The following RBBP6 variants were observed in gnomAD, a reference collection of about 807,000 sequenced individuals.
The protein encoded by RBBP6 is E3 ubiquitin-protein ligase RBBP6.
A neutral mutation model predicts 167.7 loss-of-function variants in RBBP6; 25 were observed. That is an observed-to-expected ratio of 0.15 (90% confidence interval 0.11 to 0.21). The LOEUF (loss-of-function observed/expected upper bound fraction) is 0.21, where lower values mean the gene tolerates loss of function less well. Ranked by LOEUF, RBBP6 falls within the 10% of genes least tolerant of loss-of-function variation. RBBP6 has a pLI of 1.00. For synonymous variants in RBBP6, 789 were observed against 735.8 expected (o/e 1.07, Z -1.17); for missense variants, 1,868 against 2,134.2 (o/e 0.88, Z 2.46).
At chr16:24,549,244 G>T in intron 3 of RBBP6, 1 of 1,329,382 alleles carries the variant, frequency 7.5e-7, no homozygotes, top group Non-Finnish European at 9.6e-7. Context: ...ACACTGTGTT[G>T]TACAGTTAAT....
In RBBP6 at chr16:24,569,740, A is replaced by G; in HGVS notation, c.3050A>G (p.Asp1017Gly). Residue 1017 changes from aspartate (D) to glycine (G), a missense_variant, in exon 17 of 18, where the codon GAT becomes GGT. Around this residue, in one of 7 missense-constraint regions of RBBP6, gnomAD observed 673 missense variants for 691.5 expected, o/e 0.97. Transcript: ENST00000319715. Reference protein sequence around the residue: ...RERDKPKAKGDKTKRKNDGSA... With the variant: ...RERDKPKAKGGKTKRKNDGSA... ...AGGGATAAACCAAAAGCAAAGGGTG[A>G]TAAAACCAAACGGAAGAATGATGGA... 1.2e-6 allele frequency: 2 copies of G among 1,614,154 alleles called. No individual in the cohort carries two copies. The highest frequency in any genetic ancestry group is 1.7e-6 in the Non-Finnish European group (2 of 1,180,030).
chr16:24,556,579 C>A, intron 7 of RBBP6, 132 bp downstream of exon 7: 1 of 1,031,938 alleles, frequency 9.7e-7, no homozygotes, highest in Non-Finnish European at 1.3e-6. Context: ...TTAGTCTCTA[C>A]ATCTTGCATT....
intron 1 of RBBP6, among the ~76,000 whole-genome samples, chr16:24,542,732 G>C (rs1023782629): frequency 6.6e-6 from 1 of 152,144 alleles, no homozygotes; most frequent in African/African-American, 2.4e-5. Flanking sequence ...CAAAGGGCTG[G>C]GATTACAGGC....
rs1285427211 is a variant in RBBP6 at position 24,567,354 on chromosome 16, C to T, written c.1801C>T (p.Pro601Ser). The stretch of plus-strand genomic sequence containing the variant: ...ACCACCCGCTGGGTATAGTGTCCCT[C>T]CTCCAGGGTTTCCTCCAGCTCCTGC... ...QPPPAGYSVP[P>S]PGFPPAPANL... The change falls in exon 15 of 18, where the codon CCT becomes TCT. Residue 601 changes from proline to serine, a missense_variant. Pro to Ser is a moderately conservative substitution (Grantham distance 74, BLOSUM62 -1). Transcript: ENST00000319715. 14 of 1,614,030 alleles carry T rather than the reference C, an allele frequency of 8.7e-6. No individual in the cohort carries two copies. The highest frequency in any genetic ancestry group is 1.2e-5 in the Non-Finnish European group (14 of 1,180,030).
In RBBP6 at chr16:24,571,664, A is replaced by T; in HGVS notation, c.4598A>T (p.Asn1533Ile). 3 of 1,613,856 alleles carry T rather than the reference A, an allele frequency of 1.9e-6. No individual in the cohort carries two copies. The highest frequency in any genetic ancestry group is 2.5e-6 in the Non-Finnish European group (3 of 1,179,950). Residue 1533 changes from asparagine (N) to isoleucine (I), a missense_variant, in exon 18 of 18, where the codon AAT (asparagine) becomes ATT (isoleucine). Physicochemically the swap from Asn to Ile is moderately radical, Grantham distance 149 (BLOSUM62 -3). Coordinates refer to ENST00000319715, the MANE Select transcript of RBBP6 (RefSeq NM_006910.5). ...GGAACAGGAGATTCCAAAAAAAGTA[A>T]TTCTAGTCCCTCAAGAGACAGAAAA... ...KKGTGDSKKS[N>I]SSPSRDRKPH...
intron 7 of RBBP6, chr16:24,558,678 A>G (rs1898976159): frequency 5.7e-6 from 1 of 175,130 alleles, no homozygotes; most frequent in African/African-American, 2.4e-5. Context: ...GGGGGTGTAG[A>G]AGCAGTGGTG....
At position 24,549,013 on chromosome 16, in the gene RBBP6, A is replaced by G. The variant is rs1898733685; in HGVS notation, c.303+32A>G. The stretch of plus-strand genomic sequence containing the variant: ...AAAAACACAATCTCACACTTTTTCT[A>G]CACATTGCTTTTACCTTTATAATGT... On this transcript the variant is annotated intron_variant, in intron 3 of 17. Coordinates refer to ENST00000319715, the MANE Select transcript of RBBP6 (RefSeq NM_006910.5). 7 of 1,605,632 alleles carry G rather than the reference A, an allele frequency of 4.4e-6. No homozygotes were observed. The African/African-American group carries it at 5.3e-5, about 12-fold the overall frequency.
At chr16:24,545,942 T>C (rs1388247622) in intron 1 of RBBP6, among the ~76,000 whole-genome samples, 1 of 152,204 alleles carries the variant, frequency 6.6e-6, no homozygotes, top group Non-Finnish European at 1.5e-5. Flanking sequence ...GTAGAAGTGC[T>C]AGAGCCAAGA....
intron 4 of RBBP6, chr16:24,553,888 A>G (rs1898856263): frequency 5.9e-6 from 1 of 170,302 alleles, no homozygotes; most frequent in South Asian, 1.8e-4. Flanking sequence ...GCTATAAATT[A>G]TGTGGACCTT....
At chr16:24,558,937 T>C (rs1898983598) in intron 7 of RBBP6, among the ~76,000 whole-genome samples, 1 of 152,204 alleles carries the variant, frequency 6.6e-6, no homozygotes, top group South Asian at 2.1e-4. Context: ...ATTATTTGTG[T>C]GGTAATGACA....
chr16:24,548,809 AT>A (rs1365899240), intron 2 of RBBP6, 135 bp from the exon 3 acceptor site: 16 of 673,120 alleles, frequency 2.4e-5, no homozygotes, highest in Non-Finnish European at 3.7e-5. Flanking sequence ...TCATTCAGAA[AT>A]TGGCTGTTAA....
At chr16:24,542,369 C>A (rs1246795870) in intron 1 of RBBP6, among the ~76,000 whole-genome samples, 2 of 151,990 alleles carry the variant, frequency 1.3e-5, no homozygotes, top group African/African-American at 4.8e-5. Flanking sequence ...GTCATATATT[C>A]AGGTTTCATA....
intron 3 of RBBP6, chr16:24,549,248 A>G: frequency 2.3e-6 from 3 of 1,300,722 alleles, no homozygotes; most frequent in Admixed American, 3.6e-5. Context: ...TGTGTTGTAC[A>G]GTTAATGTAT....
Position 24,559,401 on chromosome 16 carries a change from G to A in RBBP6, c.675-104G>A, listed in dbSNP as rs542788192. Reference sequence around the variant, plus strand: ...ATATGGTGCTTGTCTAAACTAATTTGGCATTGCGCTGAATTATGTGTTCCC... The same window carrying A: ...ATATGGTGCTTGTCTAAACTAATTTAGCATTGCGCTGAATTATGTGTTCCC... On this transcript the variant is annotated intron_variant, in intron 7 of 17. Coordinates refer to ENST00000319715, the MANE Select transcript of RBBP6 (RefSeq NM_006910.5). 137 of 845,714 alleles carry A rather than the reference G, an allele frequency of 1.6e-4. No homozygotes were observed. The African/African-American group carries it at 2.3e-3, about 14-fold the overall frequency. 52.4% of individuals were successfully genotyped at this position (845,714 alleles called of 1,614,324 possible). A position where few individuals can be genotyped will look rare whatever the true frequency, so the allele number is the denominator to read the frequency against.
Position 24,572,522 on chromosome 16 carries a change from C to T in RBBP6, c.*77C>T. On this transcript the variant is annotated 3_prime_UTR_variant, in exon 18 of 18. Coordinates refer to ENST00000319715, the MANE Select transcript of RBBP6 (RefSeq NM_006910.5). ...TTGTTATAATGTAAAGAGATTCAAG[C>T]CTTGTAAATAATGACATGGAAGACC... The T allele has an allele frequency of 6.9e-7, 1 of 1,442,430 alleles. No homozygotes were observed. The highest frequency in any genetic ancestry group is 9.1e-7 in the Non-Finnish European group (1 of 1,101,478). 89.4% of individuals were successfully genotyped at this position (1,442,430 alleles called of 1,614,324 possible).
At position 24,555,719 on chromosome 16, in the gene RBBP6, T is replaced by C; in HGVS notation, c.437+16T>C. On this transcript the variant is annotated intron_variant, in intron 5 of 17. Transcript: ENST00000319715. ...ACCCAATCAAGTAAGTTCATAAATA[T>C]TTTATACTAATAGGAACTTTTGGGG... 1 of 1,608,390 alleles carries C rather than the reference T, an allele frequency of 6.2e-7. No individual in the cohort carries two copies.
Position 24,560,105 on chromosome 16 carries a change from G to GT in RBBP6, c.847+433dup, listed in dbSNP as rs1164371948. 4.2e-4 allele frequency among the ~76,000 whole-genome samples: 57 copies of GT among 134,962 alleles called. 3 individuals carry two copies. The highest frequency in any genetic ancestry group is 7.1e-4 in the African/African-American group (26 of 36,600). The allele number at this position is 134,962 out of a possible 152,430, so 88.5% of individuals were successfully genotyped here. On this transcript the variant is annotated intron_variant, in intron 8 of 17. Coordinates refer to ENST00000319715, the MANE Select transcript of RBBP6 (RefSeq NM_006910.5). ...TATTAACACCTGATTCCTGTAGACA[G>GT]TTTTTGTTTTTTTTTTTTTTTTTTG... is the stretch of plus-strand genomic sequence containing the variant.
At chr16:24,547,844 C>T (rs939405170) in intron 2 of RBBP6, among the ~76,000 whole-genome samples, 1 of 152,114 alleles carries the variant, frequency 6.6e-6, no homozygotes, top group Non-Finnish European at 1.5e-5. Flanking sequence ...TAAAAAATGG[C>T]AAATGTATTT....
chr16:24,559,854 A>G (rs2141469375), intron 8 of RBBP6, 177 bp downstream of exon 8: 1 of 461,082 alleles, frequency 2.2e-6, no homozygotes, highest in Non-Finnish European at 3.5e-6. Flanking sequence ...TTTTTAAACA[A>G]TAACCTGTTT....
Sources: gnomAD v4.1 joint callset for allele counts (sites outside exome capture counted in the v4.1 genomes callset) on GRCh38, gnomAD v4.1.1 for gene constraint, gnomAD v4.1.1 regional missense constraint, MANE v1.5 for transcripts, NCBI Gene and HGNC (gene_info 2026-07-23, HGNC 2026-07-21) for gene names.